Variants in PCDHGA7 observed in about 807,000 individuals in gnomAD.
PCDHGA7 encodes the protein protocadherin gamma subfamily A, 7.
A neutral mutation model predicts 58.3 loss-of-function variants in PCDHGA7; 44 were observed. The ratio of observed to expected loss-of-function variants is 0.75; its 90% CI spans 0.59 to 0.97. PCDHGA7 has a LOEUF of 0.97. Among genes scored for constraint, PCDHGA7 ranks in the 50% least tolerant of loss-of-function variants. The pLI is 0.00. For synonymous variants in PCDHGA7, 516 were observed against 504.2 expected, an observed-to-expected ratio of 1.02 and a Z score of -0.31; for missense variants, 1,266 against 1,188.7, an observed-to-expected ratio of 1.06 and a Z score of -0.96.
chr5:141,489,483 T>G lies in PCDHGA7; in HGVS notation c.2425-5324T>G. 1.9e-6 allele frequency: 3 copies of G among 1,613,980 alleles called. No individual in the cohort carries two copies. The highest frequency in any genetic ancestry group is 2.5e-6 in the Non-Finnish European group (3 of 1,180,008). ...GCTATTTTTCCCTGAGCTTGATGAG[T>G]GGTGCCCTGGCAGTGAATCAAAAGA... On this transcript the variant is annotated intron_variant, in intron 1 of 3. Coordinates refer to ENST00000518325, the MANE Select transcript of PCDHGA7 (RefSeq NM_018920.4). This position sits in a 1 kb window ranked among gnomAD's most constrained non-coding sequence, Gnocchi z 4.5.
chr5:141,449,876 C>G (rs924666805), intron 1 of PCDHGA7, among the ~76,000 whole-genome samples: 2 of 151,724 alleles, frequency 1.3e-5, no homozygotes, highest in Non-Finnish European at 2.9e-5. Flanking sequence ...AATTTAACAT[C>G]AATGCAATAT....
intron 1 of PCDHGA7, chr5:141,414,054 G>T: frequency 6.2e-7 from 1 of 1,610,250 alleles, no homozygotes; most frequent in South Asian, 1.1e-5. Context: ...ACACGCAATT[G>T]TTGAAGTTCC....
intron 1 of PCDHGA7, among the ~76,000 whole-genome samples, chr5:141,437,990 C>G (rs1298325497): frequency 1.3e-5 from 2 of 152,148 alleles, no homozygotes; most frequent in Non-Finnish European, 2.9e-5. Flanking sequence ...CCCACCCCAC[C>G]TCAGCCTCCC....
chr5:141,464,483 C>G (rs192469583), intron 1 of PCDHGA7, among the ~76,000 whole-genome samples: 32 of 151,368 alleles, frequency 2.1e-4, no homozygotes, highest in African/African-American at 7.3e-4. Flanking sequence ...ATAATAAATT[C>G]CTAATAGTGT....
At chr5:141,398,349 C>T in intron 1 of PCDHGA7, 2 of 1,397,134 alleles carry the variant, frequency 1.4e-6, no homozygotes, top group Non-Finnish European at 2.0e-6. Flanking sequence ...AGAAGCCTTA[C>T]TTCACCGTGA....
At chr5:141,492,132 C>A (rs1289132641) in intron 1 of PCDHGA7, among the ~76,000 whole-genome samples, 3 of 152,220 alleles carry the variant, frequency 2.0e-5, no homozygotes, top group African/African-American at 4.8e-5. Context: ...CAGCTCCCAG[C>A]ATCTGTGACT....
intron 1 of PCDHGA7, chr5:141,421,453 T>G: frequency 1.2e-6 from 2 of 1,614,102 alleles, no homozygotes; most frequent in Middle Eastern, 1.6e-4. Context: ...GACACAGCTT[T>G]TCGCTGTGAA....
chr5:141,441,811 C>A (rs1007948586), intron 1 of PCDHGA7: 2 of 370,710 alleles, frequency 5.4e-6, no homozygotes, highest in African/African-American at 2.2e-5. Flanking sequence ...GTGCTGTACC[C>A]CAGCTCTGGA....
chr5:141,397,199 T>A (rs1317536621), intron 1 of PCDHGA7, among the ~76,000 whole-genome samples: 1 of 152,156 alleles, frequency 6.6e-6, no homozygotes, highest in Non-Finnish European at 1.5e-5. Context: ...GTAAAAGATA[T>A]GACATAAGAG....
At chr5:141,415,909 C>A in intron 1 of PCDHGA7, 1 of 761,030 alleles carries the variant, frequency 1.3e-6, no homozygotes, top group Non-Finnish European at 1.8e-6. Flanking sequence ...GACTTCCATA[C>A]AGAAGTGCCT....
At chr5:141,449,667 G>A (rs540415333) in intron 1 of PCDHGA7, among the ~76,000 whole-genome samples, 1 of 150,824 alleles carries the variant, frequency 6.6e-6, no homozygotes, top group South Asian at 2.1e-4. Context: ...ACACCCAAGT[G>A]TGTATGTATA....
At position 141,428,173 on chromosome 5, in the gene PCDHGA7, C is replaced by T. The variant is rs192741775; in HGVS notation, c.2424+42850C>T. The T allele has an allele frequency of 3.3e-6, 5 of 1,514,730 alleles. No homozygotes were observed. In the East Asian group the frequency reaches 9.1e-5, roughly 28 times the overall value. 93.8% of individuals were successfully genotyped at this position (1,514,730 alleles called of 1,614,324 possible). A position where few individuals can be genotyped will look rare whatever the true frequency, so the allele number is the denominator to read the frequency against. On this transcript the variant is annotated intron_variant, in intron 1 of 3. Transcript: ENST00000518325. ...GGAACCTGCTGGTTGCTGTGCGTGA[C>T]GGAGGACAGCCGCCGCTCTCTGCGC... is the stretch of plus-strand genomic sequence containing the variant.
At chr5:141,416,832 A>T (rs2154546669) in intron 1 of PCDHGA7, 1 of 152,168 alleles carries the variant, frequency 6.6e-6, no homozygotes, top group East Asian at 1.9e-4. Context: ...GTTTCTCAAG[A>T]CCCTTATAAT....
Position 141,510,866 on chromosome 5 carries a change from C to G in PCDHGA7, c.2573-81C>G. 1.9e-6 allele frequency: 3 copies of G among 1,607,908 alleles called. No homozygotes were observed. The East Asian group carries it at 6.7e-5, about 36-fold the overall frequency. ...AGGCCCAGGGTGCTGTATAGGCATT[C>G]ATTAACTGCTGGGGATATAAGACAG... On this transcript the variant is annotated intron_variant, in intron 3 of 3. Coordinates refer to ENST00000518325, the MANE Select transcript of PCDHGA7 (RefSeq NM_018920.4).
intron 1 of PCDHGA7, chr5:141,413,946 G>A: frequency 6.2e-7 from 1 of 1,613,414 alleles, no homozygotes; most frequent in Non-Finnish European, 8.5e-7. Flanking sequence ...GTGTTCCTGA[G>A]AATTTGCCTG....
chr5:141,477,212 C>T lies in PCDHGA7; in HGVS notation c.2425-17595C>T, dbSNP rs1488282405. On this transcript the variant is annotated intron_variant, in intron 1 of 3. Coordinates refer to ENST00000518325, the MANE Select transcript of PCDHGA7 (RefSeq NM_018920.4). This position sits in a 1 kb window ranked among gnomAD's most constrained non-coding sequence, Gnocchi z 4.9. ...GTACAGCCCAGTACCCGAGGATGCC[C>T]CTCTGGGGACTGTCATCGCTTTGCT... 11 of 1,614,048 alleles carry T rather than the reference C, an allele frequency of 6.8e-6. No individual in the cohort carries two copies. The highest frequency in any genetic ancestry group is 1.3e-5 in the African/African-American group (1 of 74,918).
chr5:141,427,491 G>A (rs1158414276), intron 1 of PCDHGA7: 1 of 553,626 alleles, frequency 1.8e-6, no homozygotes, highest in Non-Finnish European at 3.4e-6. Context: ...CTATAAGCTT[G>A]TAACAGATGG....
chr5:141,419,285 G>A, intron 1 of PCDHGA7: 2 of 1,614,028 alleles, frequency 1.2e-6, no homozygotes, highest in East Asian at 4.5e-5. Context: ...GCAAGTCAGT[G>A]CCTCTGACCC....
At chr5:141,397,965 C>A in intron 1 of PCDHGA7, 1 of 1,077,484 alleles carries the variant, frequency 9.3e-7, no homozygotes. Flanking sequence ...AGCTCAGACT[C>A]CCCAGCGCCG....
Sources: gnomAD v4.1 joint callset for allele counts (sites outside exome capture counted in the v4.1 genomes callset) on GRCh38, gnomAD v4.1.1 for gene constraint, Gnocchi (gnomAD v3.1) non-coding constraint, MANE v1.5 for transcripts, NCBI Gene and HGNC (gene_info 2026-07-23, HGNC 2026-07-21) for gene names.